The following DHX9 variants were observed in gnomAD, a reference collection of about 807,000 sequenced individuals.
DHX9 encodes ATP-dependent RNA helicase A.
A neutral mutation model predicts 148.7 loss-of-function variants in DHX9; 27 were observed. The observed-to-expected ratio is 0.18, with a 90% CI of 0.13 to 0.25. The LOEUF (loss-of-function observed/expected upper bound fraction) is 0.25. Among genes scored for constraint, DHX9 ranks in the 10% least tolerant of loss-of-function variants. The probability of loss-of-function intolerance (pLI) is 1.00; values close to 1 mark genes in which losing one functional copy is unlikely to be tolerated. For missense variants in DHX9, 796 were observed against 1,559.6 expected, an observed-to-expected ratio of 0.51 and a Z score of 8.25; for synonymous variants, 529 against 516.6, an observed-to-expected ratio of 1.02 and a Z score of -0.33.
At chr1:182,876,971 G>A in intron 19 of DHX9, 68 bp downstream of exon 19, 1 of 1,158,656 alleles carries the variant, frequency 8.6e-7, no homozygotes. Flanking sequence ...CCAGTTAACA[G>A]AATCAAAAAC....
chr1:182,872,939 A>C (rs1405667963), intron 15 of DHX9, among the ~76,000 whole-genome samples: 1 of 152,048 alleles, frequency 6.6e-6, no homozygotes. Flanking sequence ...ATTTCTGATA[A>C]GTGAGAGTTC....
At position 182,873,437 on chromosome 1, in the gene DHX9, T is replaced by A. The variant is rs1224804686; in HGVS notation, c.1714+944T>A. On this transcript the variant is annotated intron_variant, in intron 15 of 27. Transcript: ENST00000367549. ...AGCATGCTAAGCCAGTATAATTCAC[T>A]GGGGTACAGGTTAATTCTGAAACTG... 2.0e-5 allele frequency among the ~76,000 whole-genome samples: 3 copies of A among 152,212 alleles called. No individual in the cohort carries two copies. In the South Asian group the frequency reaches 6.2e-4, roughly 31 times the overall value.
chr1:182,871,383 A>G (rs530453918), intron 14 of DHX9, among the ~76,000 whole-genome samples: 1 of 152,336 alleles, frequency 6.6e-6, no homozygotes, highest in South Asian at 2.1e-4. Flanking sequence ...AAAATGTTGG[A>G]GAGTATGTGG....
chr1:182,859,112 C>G lies in DHX9; in HGVS notation c.1135C>G (p.Gln379Glu). ...CCAGTTGGAACAGGATCATGATTTG[C>G]AAGCAGTAAGTCTGAATTATTTAGA... ...MYQLEQDHDLQAILQERELLP... is the reference protein window; with the variant it reads ...MYQLEQDHDLEAILQERELLP... The change falls in exon 11 of 28, where the codon CAA (glutamine) becomes GAA (glutamate). Residue 379 changes from glutamine to glutamate, a missense_variant. Physicochemically the swap from Gln to Glu is conservative, Grantham distance 29 (BLOSUM62 2). This residue lies in a region of DHX9 where 42 missense variants were observed against 27.1 expected (regional missense o/e 1.55). Transcript: ENST00000367549. 6.2e-7 allele frequency: 1 copy of G among 1,613,624 alleles called. No homozygotes were observed. The highest frequency in any genetic ancestry group is 8.5e-7 in the Non-Finnish European group (1 of 1,179,616).
intron 5 of DHX9, among the ~76,000 whole-genome samples, 195 bp downstream of exon 5, chr1:182,853,613 G>A (rs1668199321): frequency 6.6e-6 from 1 of 152,084 alleles, no homozygotes; most frequent in African/African-American, 2.4e-5. Context: ...TGCCTATGGA[G>A]GAAAAAAACA....
At chr1:182,853,965 T>C (rs1668208978) in intron 5 of DHX9, 65 bp from the exon 6 acceptor site, 1 of 1,491,728 alleles carries the variant, frequency 6.7e-7, no homozygotes, top group South Asian at 1.2e-5. Flanking sequence ...GTATTAAAAA[T>C]TTCTGTGCCT....
At chr1:182,882,336 A>G (rs1235028955) in intron 24 of DHX9, among the ~76,000 whole-genome samples, 1 of 152,222 alleles carries the variant, frequency 6.6e-6, no homozygotes, top group African/African-American at 2.4e-5. Context: ...TCGTTTGTCT[A>G]GAACAAAATA....
intron 27 of DHX9, among the ~76,000 whole-genome samples, chr1:182,886,352 C>T (rs1398549774): frequency 3.3e-5 from 5 of 151,910 alleles, no homozygotes; most frequent in Non-Finnish European, 5.9e-5. Context: ...CACACTGCCA[C>T]GCCCAGCTAA....
At chr1:182,848,297 T>C (rs1462277498) in intron 3 of DHX9, among the ~76,000 whole-genome samples, 1 of 152,226 alleles carries the variant, frequency 6.6e-6, no homozygotes, top group Non-Finnish European at 1.5e-5. Flanking sequence ...TGTATGGAGA[T>C]ATTTTTGTTG....
intron 15 of DHX9, among the ~76,000 whole-genome samples, chr1:182,874,088 C>G (rs1489928152): frequency 6.6e-6 from 1 of 152,184 alleles, no homozygotes; most frequent in African/African-American, 2.4e-5. Flanking sequence ...TGACAAGTGC[C>G]TCTTACAAAA....
At chr1:182,848,783 C>A (rs1035960800) in intron 3 of DHX9, among the ~76,000 whole-genome samples, 1 of 152,168 alleles carries the variant, frequency 6.6e-6, no homozygotes, top group East Asian at 1.9e-4. Context: ...TGCTTGACTT[C>A]TGAAGAGGCC....
At position 182,880,380 on chromosome 1, in the gene DHX9, G is replaced by A. The variant is rs144227660; in HGVS notation, c.2513-117G>A. 280 of 591,816 alleles carry A rather than the reference G, an allele frequency of 4.7e-4. 1 individual carries two copies. Among genetic ancestry groups the A allele is most frequent in the African/African-American group, 4.6e-3 (247 of 53,150 alleles). The allele number at this position is 591,816 out of a possible 1,614,324, so 36.7% of individuals were successfully genotyped here. ...TGTTGGCCGTAGACATGGTATTAGC[G>A]ATTGGCTTGACAAAAGAGGAACTCT... On this transcript the variant is annotated intron_variant, in intron 21 of 27. Coordinates refer to ENST00000367549, the MANE Select transcript of DHX9 (RefSeq NM_001357.5).
chr1:182,857,565 C>G (rs1308785776), intron 7 of DHX9, among the ~76,000 whole-genome samples: 1 of 152,182 alleles, frequency 6.6e-6, no homozygotes, highest in African/African-American at 2.4e-5. Context: ...AAACGTAAAG[C>G]CATTCCCAGT....
At chr1:182,867,205 TC>T (rs1348829490) in intron 14 of DHX9, among the ~76,000 whole-genome samples, 162 bp downstream of exon 14, 7 of 152,172 alleles carry the variant, frequency 4.6e-5, no homozygotes, top group Admixed American at 4.6e-4. Context: ...GATTATTCAA[TC>T]TTTTTTTTCT....
At chr1:182,876,744 G>A in intron 18 of DHX9, 86 bp from the exon 19 acceptor site, 3 of 1,072,562 alleles carry the variant, frequency 2.8e-6, no homozygotes, top group Non-Finnish European at 4.1e-6. Context: ...TAATTTTCTT[G>A]TCATTTGTTA....
At chr1:182,842,491 C>T in intron 1 of DHX9, 54 bp from the exon 2 acceptor site, 3 of 979,880 alleles carry the variant, frequency 3.1e-6, no homozygotes, top group Non-Finnish European at 4.6e-6. Flanking sequence ...TAATTGGTTC[C>T]TCCCAGTTTT....
chr1:182,875,920 A>T (rs1319738634), intron 16 of DHX9, 130 bp from the exon 17 acceptor site: 8 of 708,106 alleles, frequency 1.1e-5, no homozygotes, highest in Non-Finnish European at 1.7e-5. Flanking sequence ...TCTGTATTCT[A>T]TAGTGTGTGA....
Position 182,877,540 on chromosome 1 carries a change from A to G in DHX9, c.2199-481A>G, listed in dbSNP as rs564826419. On this transcript the variant is annotated intron_variant, in intron 19 of 27. Transcript: ENST00000367549. The stretch of plus-strand genomic sequence containing the variant: ...ATAGCATTCTGTGCCAATCCCAGTC[A>G]TTTAGTGGCAGCTGTCTCTGTATGT... 4.0e-4 allele frequency: 62 copies of G among 154,756 alleles called. No individual in the cohort carries two copies. In the Middle Eastern group the frequency reaches 0.01, roughly 25 times the overall value. The allele number at this position is 154,756 out of a possible 1,614,324, so 9.6% of individuals were successfully genotyped here. A position where few individuals can be genotyped will look rare whatever the true frequency, so the allele number is the denominator to read the frequency against.
At chr1:182,845,278 C>T (rs950898421) in intron 3 of DHX9, among the ~76,000 whole-genome samples, 1 of 152,090 alleles carries the variant, frequency 6.6e-6, no homozygotes, top group Non-Finnish European at 1.5e-5. Context: ...ATCTTTTAGG[C>T]TCTTCTCTAT....
Sources: gnomAD v4.1 joint callset for allele counts (sites outside exome capture counted in the v4.1 genomes callset) on GRCh38, gnomAD v4.1.1 for gene constraint, gnomAD v4.1.1 regional missense constraint, MANE v1.5 for transcripts, NCBI Gene and HGNC (gene_info 2026-07-23, HGNC 2026-07-21) for gene names.